FRMD5: variants seen among roughly 807,000 people sequenced by gnomAD.
FRMD5 encodes FERM domain containing 5.
Under a neutral mutation model 69.0 loss-of-function variants are expected in FRMD5, and 20 were observed. The ratio of observed to expected loss-of-function variants is 0.29; its 90% confidence interval spans 0.20 to 0.42. The LOEUF (loss-of-function observed/expected upper bound fraction) is 0.42, where lower values mean the gene tolerates loss of function less well. Among genes scored for constraint, FRMD5 ranks in the 10% least tolerant of loss-of-function variants. The pLI is 1.00. For synonymous variants in FRMD5, 271 were observed against 260.1 expected (o/e 1.04, Z -0.40); for missense variants, 595 against 708.6 (o/e 0.84, Z 1.82).
intron 1 of FRMD5, among the ~76,000 whole-genome samples, chr15:44,143,856 G>A (rs893187992): frequency 1.3e-4 from 20 of 149,566 alleles, no homozygotes; most frequent in African/African-American, 3.7e-4. Flanking sequence ...CCCAGGAGGC[G>A]GAGGTTGCAG....
At chr15:44,055,898 T>C (rs186094497) in intron 1 of FRMD5, among the ~76,000 whole-genome samples, 2 of 152,356 alleles carry the variant, frequency 1.3e-5, no homozygotes, top group Admixed American at 6.5e-5. Context: ...ATGTCATGAT[T>C]ATACATCTCC....
At chr15:43,887,847 G>A (rs2088699714) in intron 10 of FRMD5, among the ~76,000 whole-genome samples, 1 of 152,208 alleles carries the variant, frequency 6.6e-6, no homozygotes, top group Non-Finnish European at 1.5e-5. Context: ...AATCATTACG[G>A]TATATTTTTA....
At chr15:44,066,023 A>T (rs992371505) in intron 1 of FRMD5, among the ~76,000 whole-genome samples, 4 of 152,188 alleles carry the variant, frequency 2.6e-5, no homozygotes, top group Non-Finnish European at 4.4e-5. Flanking sequence ...CAAAAACAAA[A>T]CTGACATTCA....
intron 1 of FRMD5, among the ~76,000 whole-genome samples, chr15:44,138,388 T>C (rs1415319920): frequency 6.6e-6 from 1 of 152,114 alleles, no homozygotes; most frequent in Non-Finnish European, 1.5e-5. Context: ...TGAAACTGCA[T>C]AACATCAAAG....
intron 7 of FRMD5, among the ~76,000 whole-genome samples, chr15:43,899,199 A>G (rs543679953): frequency 4.6e-5 from 7 of 152,228 alleles, no homozygotes; most frequent in Non-Finnish European, 1.0e-4. Context: ...ATAGCATATC[A>G]CTAAAGTGAC....
intron 1 of FRMD5, among the ~76,000 whole-genome samples, chr15:44,017,324 C>T (rs993643349): frequency 2.0e-5 from 3 of 150,656 alleles, no homozygotes; most frequent in South Asian, 2.1e-4. Flanking sequence ...GGTGAAAAAG[C>T]GAGACTCTGT....
chr15:43,887,263 G>A (rs1369549919), intron 10 of FRMD5, among the ~76,000 whole-genome samples: 4 of 152,194 alleles, frequency 2.6e-5, no homozygotes, highest in African/African-American at 4.8e-5. Flanking sequence ...TGGGACCCCA[G>A]TTCTTGGGCT....
At chr15:43,932,136 G>A (rs1024469616) in intron 1 of FRMD5, among the ~76,000 whole-genome samples, 1 of 152,108 alleles carries the variant, frequency 6.6e-6, no homozygotes, top group Non-Finnish European at 1.5e-5. Context: ...GTGAGTTTTC[G>A]TGCCAACTTC....
At chr15:43,999,963 T>TATATATATATATATGCCATGC (rs1890125130) in intron 1 of FRMD5, among the ~76,000 whole-genome samples, 1 of 75,992 alleles carries the variant, frequency 1.3e-5, no homozygotes, top group African/African-American at 7.5e-5. Context: ...CATATATATA[T>TATATATATATATATGCCATGC]ATATATATAT....
chr15:43,937,890 T>A (rs549761688), intron 1 of FRMD5, among the ~76,000 whole-genome samples: 1 of 152,236 alleles, frequency 6.6e-6, no homozygotes, highest in Non-Finnish European at 1.5e-5. Flanking sequence ...ACAGGACCCC[T>A]AGTGGGGACC....
intron 7 of FRMD5, 86 bp downstream of exon 7, chr15:43,902,089 G>A (rs1367734002): frequency 4.4e-6 from 4 of 909,736 alleles, no homozygotes; most frequent in Admixed American, 3.8e-5. Context: ...GTTGAAGGGG[G>A]CCTCTGAGCG....
upstream of FRMD5, among the ~76,000 whole-genome samples, chr15:44,196,404 C>G (rs2078297570): frequency 6.6e-6 from 1 of 151,492 alleles, no homozygotes; most frequent in African/African-American, 2.4e-5. Context: ...GCAGAGGTTG[C>G]AGTGAACCAA....
intron 4 of FRMD5, among the ~76,000 whole-genome samples, chr15:43,915,224 C>G (rs2089364383): frequency 6.6e-6 from 1 of 152,204 alleles, no homozygotes; most frequent in Admixed American, 6.5e-5. Flanking sequence ...GGAACACAGC[C>G]TTGCTCATTC....
chr15:44,013,178 G>A (rs561080246), intron 1 of FRMD5, among the ~76,000 whole-genome samples: 6 of 152,214 alleles, frequency 3.9e-5, no homozygotes, highest in South Asian at 2.1e-4. Context: ...TGCTTGAGGC[G>A]AGGAGTTTAA....
At chr15:44,101,634 A>G (rs1477950943) in intron 1 of FRMD5, 1 of 152,550 alleles carries the variant, frequency 6.6e-6, no homozygotes, top group Non-Finnish European at 1.5e-5. Context: ...GGTGAGGATG[A>G]ACAAACATAA....
At chr15:43,930,780 C>G (rs180788503) in intron 1 of FRMD5, among the ~76,000 whole-genome samples, 1 of 152,184 alleles carries the variant, frequency 6.6e-6, no homozygotes, top group African/African-American at 2.4e-5. Flanking sequence ...CTTTGCTCAT[C>G]GCCACATGGT....
At chr15:44,127,777 T>C (rs1228597890) in intron 1 of FRMD5, among the ~76,000 whole-genome samples, 2 of 151,802 alleles carry the variant, frequency 1.3e-5, no homozygotes, top group East Asian at 3.9e-4. Context: ...AAGGCTGAGG[T>C]GGGAGGGCCG....
At chr15:44,109,586 T>G (rs182032052) in intron 1 of FRMD5, among the ~76,000 whole-genome samples, 15 of 152,162 alleles carry the variant, frequency 9.9e-5, no homozygotes, top group Admixed American at 2.0e-4. Flanking sequence ...CCCCAACTAT[T>G]GACATCCCAC....
intron 1 of FRMD5, among the ~76,000 whole-genome samples, chr15:44,010,111 T>C (rs971078377): frequency 6.6e-6 from 1 of 152,254 alleles, no homozygotes; most frequent in South Asian, 2.1e-4. Context: ...TCCACTAAGA[T>C]TGATCAGGCT....
Sources: gnomAD v4.1 joint callset for allele counts (sites outside exome capture counted in the v4.1 genomes callset) on GRCh38, gnomAD v4.1.1 for gene constraint, MANE v1.5 for transcripts, NCBI Gene and HGNC (gene_info 2026-07-23, HGNC 2026-07-21) for gene names.